ASXL2: variants seen among roughly 807,000 people sequenced by gnomAD.
ASXL2 encodes putative Polycomb group protein ASXL2.
In ASXL2, 23 loss-of-function variants were observed where a neutral mutation model predicts 122.0. That is an observed-to-expected ratio of 0.19 (90% CI 0.14 to 0.27). The LOEUF (loss-of-function observed/expected upper bound fraction) is 0.27. Among genes scored for constraint, ASXL2 ranks in the 10% least tolerant of loss-of-function variants. The pLI is 1.00. For missense variants in ASXL2, 1,518 were observed against 1,713.8 expected (o/e 0.89, Z 2.02); for synonymous variants, 650 against 637.0 (o/e 1.02, Z -0.31).
In ASXL2 at chr2:25,737,957, C is replaced by G. The variant is rs2087763988; in HGVS notation, c.*4072G>C. ...AAACCAGTCTGTACAAACCTTACAG[C>G]CAGAAGGGAAAAAAATAGCTTGTGG... On this transcript the variant is annotated 3_prime_UTR_variant, in exon 13 of 13. Coordinates refer to ENST00000435504, the MANE Select transcript of ASXL2 (RefSeq NM_018263.6). 6.6e-6 allele frequency: 1 copy of G among 151,974 alleles called. No homozygotes were observed. Among genetic ancestry groups the G allele is most frequent in the African/African-American group, 2.4e-5 (1 of 41,378 alleles). 9.4% of individuals were successfully genotyped at this position (151,974 alleles called of 1,614,324 possible).
At chr2:25,871,076 T>C (rs1187024867) in intron 1 of ASXL2, among the ~76,000 whole-genome samples, 1 of 152,164 alleles carries the variant, frequency 6.6e-6, no homozygotes, top group Non-Finnish European at 1.5e-5. Flanking sequence ...ATTTAGCTCA[T>C]TCAATAACCT....
intron 5 of ASXL2, among the ~76,000 whole-genome samples, chr2:25,781,572 T>TA (rs1271347453): frequency 4.0e-5 from 6 of 151,316 alleles, no homozygotes; most frequent in Non-Finnish European, 8.8e-5. Flanking sequence ...TTTTTTTTTT[T>TA]AAGACACAGG....
At position 25,799,239 on chromosome 2, in the gene ASXL2, A is replaced by T. The variant is rs1328447841; in HGVS notation, c.403+146T>A. On this transcript the variant is annotated intron_variant, in intron 5 of 12. Transcript: ENST00000435504. ...CAGTAAAGATATAAACATCTCCATC[A>T]TTGCAGAAAACTCTCCTTGACAGGA... The T allele has an allele frequency of 2.8e-6, 3 of 1,055,658 alleles. No individual in the cohort carries two copies. In the East Asian group the frequency reaches 7.2e-5, roughly 25 times the overall value. The allele number at this position is 1,055,658 out of a possible 1,614,324, so 65.4% of individuals were successfully genotyped here.
intron 5 of ASXL2, among the ~76,000 whole-genome samples, chr2:25,786,765 A>G (rs1574416326): frequency 6.6e-6 from 1 of 152,040 alleles, no homozygotes; most frequent in Non-Finnish European, 1.5e-5. Context: ...AAGGCATGAG[A>G]ATTTGCTTGA....
intron 8 of ASXL2, among the ~76,000 whole-genome samples, chr2:25,762,313 CA>C (rs35610577): frequency 0.5 from 53,833 of 107,306 alleles, 12,493 homozygotes; most frequent in Non-Finnish European, 0.58. Flanking sequence ...ATGAACACAC[CA>C]AAAAAAAAAA....
intron 4 of ASXL2, among the ~76,000 whole-genome samples, chr2:25,800,771 A>T (rs2088986484): frequency 1.3e-5 from 2 of 152,226 alleles, no homozygotes; most frequent in African/African-American, 4.8e-5. Flanking sequence ...CTACCTTAAA[A>T]GATCATTCTT....
intron 5 of ASXL2, among the ~76,000 whole-genome samples, chr2:25,784,395 C>A (rs1435917356): frequency 6.6e-6 from 1 of 152,124 alleles, no homozygotes; most frequent in Non-Finnish European, 1.5e-5. Context: ...GATGACTATA[C>A]AATATTTTAA....
intron 1 of ASXL2, among the ~76,000 whole-genome samples, chr2:25,847,526 A>G (rs1242876401): frequency 6.6e-6 from 1 of 152,194 alleles, no homozygotes; most frequent in Non-Finnish European, 1.5e-5. Context: ...AAAACTTGTA[A>G]AACTTGGATA....
chr2:25,856,384 T>TTTTTTTTTG, intron 1 of ASXL2: 1 of 503,006 alleles, frequency 2.0e-6, no homozygotes, highest in Non-Finnish European at 3.7e-6. Flanking sequence ...TTTTTTTTTT[T>TTTTTTTTTG]GACACCAGTG....
At chr2:25,782,543 C>A (rs1299555999) in intron 5 of ASXL2, among the ~76,000 whole-genome samples, 2 of 152,118 alleles carry the variant, frequency 1.3e-5, no homozygotes, top group East Asian at 3.9e-4. Flanking sequence ...AAGACTCCAT[C>A]TCAGAAAAAA....
chr2:25,828,979 A>G (rs1288103593), intron 3 of ASXL2, among the ~76,000 whole-genome samples: 1 of 152,168 alleles, frequency 6.6e-6, no homozygotes, highest in Non-Finnish European at 1.5e-5. Flanking sequence ...TATCTATGAG[A>G]TAATGATCTC....
intron 8 of ASXL2, among the ~76,000 whole-genome samples, chr2:25,765,639 T>C (rs2088334937): frequency 6.6e-6 from 1 of 152,210 alleles, no homozygotes. Context: ...GTGCTTTCTT[T>C]TTTTATGGTT....
chr2:25,752,855 A>G (rs111301080), intron 11 of ASXL2, among the ~76,000 whole-genome samples: 1 of 69,034 alleles, frequency 1.4e-5, no homozygotes, highest in Admixed American at 1.2e-4. Flanking sequence ...CAAAAAAAGA[A>G]AAAAAAAAAA....
chr2:25,754,600 C>T (rs2088101821), intron 10 of ASXL2, among the ~76,000 whole-genome samples: 1 of 151,950 alleles, frequency 6.6e-6, no homozygotes, highest in Admixed American at 6.6e-5. Flanking sequence ...ACTCTGTTCA[C>T]ATATATACAG....
chr2:25,877,627 A>G (rs1392997854), intron 1 of ASXL2, among the ~76,000 whole-genome samples: 1 of 152,146 alleles, frequency 6.6e-6, no homozygotes, highest in Non-Finnish European at 1.5e-5. Context: ...CTCCAACACC[A>G]AACAAAAACA....
intron 3 of ASXL2, chr2:25,822,673 C>A (rs993838539): frequency 2.7e-5 from 18 of 677,108 alleles, no homozygotes; most frequent in African/African-American, 2.0e-4. Context: ...ATAAAAAAAA[C>A]GGACAGATCA....
chr2:25,859,106 C>T lies in ASXL2; in HGVS notation c.58-13543G>A, dbSNP rs112380284. On this transcript the variant is annotated intron_variant, in intron 1 of 12. Transcript: ENST00000435504. ...CTGGGATTACAGGTGTGAGCCACCA[C>T]GCCTGGCCTTTTCTTTTTGAGACAG... Among the ~76,000 whole-genome samples, 237 of 151,978 alleles carry T rather than the reference C, an allele frequency of 1.6e-3. 1 individual carries two copies. Among genetic ancestry groups the T allele is most frequent in the African/African-American group, 5.3e-3 (219 of 41,448 alleles).
rs145673057 is a variant in ASXL2, at chr2:25,850,777, T to A, written c.58-5214A>T. ...TGATAGTCTATCGTTCCTTTTTCAT[T>A]TATAAGCCAGAGTCCTTCTAAAAAT... On this transcript the variant is annotated intron_variant, in intron 1 of 12. Coordinates refer to ENST00000435504, the MANE Select transcript of ASXL2 (RefSeq NM_018263.6). 1.3e-3 allele frequency among the ~76,000 whole-genome samples: 204 copies of A among 152,326 alleles called. 1 individual carries two copies. The highest frequency in any genetic ancestry group is 2.3e-3 in the Admixed American group (35 of 15,294).
intron 3 of ASXL2, among the ~76,000 whole-genome samples, chr2:25,817,572 T>C (rs1355755268): frequency 3.3e-5 from 5 of 152,210 alleles, no homozygotes; most frequent in Admixed American, 1.3e-4. Context: ...TCAGGCATCA[T>C]TTCTACAAGA....
Sources: gnomAD v4.1 joint callset for allele counts (sites outside exome capture counted in the v4.1 genomes callset) on GRCh38, gnomAD v4.1.1 for gene constraint, MANE v1.5 for transcripts, NCBI Gene and HGNC (gene_info 2026-07-23, HGNC 2026-07-21) for gene names.